CDK19: variants seen among roughly 807,000 people sequenced by gnomAD.
The protein encoded by CDK19 is cyclin dependent kinase 19, also known as cyclin-dependent kinase 19.
CDK19 carries 20 observed loss-of-function variants against 68.3 expected under a neutral mutation model. The ratio of observed to expected loss-of-function variants is 0.29; its 90% CI spans 0.21 to 0.43. The LOEUF is 0.43. CDK19 is among the 20% of genes least tolerant of loss of function. CDK19 has a pLI of 1.00. For synonymous variants in CDK19, 221 were observed against 222.8 expected, an observed-to-expected ratio of 0.99 and a Z score of 0.07; for missense variants, 339 against 623.5, an observed-to-expected ratio of 0.54 and a Z score of 4.86.
chr6:110,717,587 A>G (rs1775505962), intron 2 of CDK19, among the ~76,000 whole-genome samples: 2 of 152,214 alleles, frequency 1.3e-5, no homozygotes, highest in Admixed American at 1.3e-4. Flanking sequence ...TACATGTGAA[A>G]AGTCAAAAAG....
rs9398241 is a variant in CDK19, at chr6:110,637,369, T to C, written c.514+1280A>G. ...GAAGAGAAGGAAAGCTACCAGCTAC[T>C]TAATTAACATCAACAAACTTCTGAA... On this transcript the variant is annotated intron_variant, in intron 5 of 12. Transcript: ENST00000368911. Among the ~76,000 whole-genome samples, 2,889 of 152,316 alleles carry C rather than the reference T, an allele frequency of 0.019. 285 individuals are homozygous for C. The East Asian group carries it at 0.31, about 16-fold the overall frequency.
chr6:110,641,646 A>AAAGGAAGGAAGG lies in CDK19; in HGVS notation c.457-2952_457-2941dup, dbSNP rs71553305. 5.7e-3 allele frequency among the ~76,000 whole-genome samples: 755 copies of AAAGGAAGGAAGG among 131,406 alleles called. 6 individuals carry two copies. The highest frequency in any genetic ancestry group is 8.0e-3 in the African/African-American group (266 of 33,242). The allele number at this position is 131,406 out of a possible 152,430, so 86.2% of individuals were successfully genotyped here. A position where few individuals can be genotyped will look rare whatever the true frequency, so the allele number is the denominator to read the frequency against. On this transcript the variant is annotated intron_variant, in intron 4 of 12. Coordinates refer to ENST00000368911, the MANE Select transcript of CDK19 (RefSeq NM_015076.5). ...GGAGAGGAAAGGAGGAAAGGGAAAGAAAGGAAGGAAGGAAGGAAGGAAGGA... is the reference window on the plus strand; with the variant it reads ...GGAGAGGAAAGGAGGAAAGGGAAAGAAAGGAAGGAAGGAAGGAAGGAAGGAAGGAAGGAAGGA...
chr6:110,768,696 T>A (rs759164265), intron 1 of CDK19, among the ~76,000 whole-genome samples: 5 of 152,096 alleles, frequency 3.3e-5, no homozygotes, highest in Non-Finnish European at 7.4e-5. Context: ...CAGAAAAAGA[T>A]CAGTGGTTGT....
chr6:110,722,822 G>A (rs749221681), intron 2 of CDK19, among the ~76,000 whole-genome samples: 29 of 151,796 alleles, frequency 1.9e-4, no homozygotes, highest in Non-Finnish European at 3.7e-4. Context: ...AGCCATGATC[G>A]TGCCAATGTA....
intron 2 of CDK19, among the ~76,000 whole-genome samples, chr6:110,677,106 C>T (rs1771594979): frequency 6.6e-6 from 1 of 152,170 alleles, no homozygotes; most frequent in Non-Finnish European, 1.5e-5. Context: ...CTAATGTTAC[C>T]TATATCTATT....
intron 2 of CDK19, among the ~76,000 whole-genome samples, chr6:110,678,447 G>A (rs1393365314): frequency 4.0e-5 from 6 of 151,818 alleles, no homozygotes; most frequent in Non-Finnish European, 5.9e-5. Flanking sequence ...CTCTTCCCTC[G>A]CCTCAGTTAA....
intron 1 of CDK19, among the ~76,000 whole-genome samples, chr6:110,777,584 G>C (rs1464556700): frequency 1.3e-5 from 2 of 152,132 alleles, no homozygotes; most frequent in Non-Finnish European, 2.9e-5. Context: ...ATAGTATAGT[G>C]GTTCATCAAA....
At chr6:110,786,350 A>C (rs912494803) in intron 1 of CDK19, among the ~76,000 whole-genome samples, 8 of 151,102 alleles carry the variant, frequency 5.3e-5, no homozygotes, top group African/African-American at 1.9e-4. Flanking sequence ...AAAACCCTTC[A>C]CTCCATCTTT....
At position 110,745,511 on chromosome 6, in the gene CDK19, T is replaced by C. The variant is rs191952394; in HGVS notation, c.204+615A>G. On this transcript the variant is annotated intron_variant, in intron 2 of 12. Coordinates refer to ENST00000368911, the MANE Select transcript of CDK19 (RefSeq NM_015076.5). The stretch of plus-strand genomic sequence containing the variant: ...ATGACCCCTTCCTCTATAAAGACCT[T>C]ATCAGTCCTAAAGCTACAGAAAAAT... Among the ~76,000 whole-genome samples, 377 of 152,206 alleles carry C rather than the reference T, an allele frequency of 2.5e-3. 4 individuals carry two copies. Among genetic ancestry groups the C allele is most frequent in the African/African-American group, 8.7e-3 (363 of 41,540 alleles).
chr6:110,614,717 C>T (rs370887678), intron 12 of CDK19, 51 bp from the exon 13 acceptor site: 11 of 1,585,666 alleles, frequency 6.9e-6, no homozygotes, highest in Non-Finnish European at 7.8e-6. Flanking sequence ...AAGAGGATGA[C>T]TCAAGATGCT....
intron 2 of CDK19, among the ~76,000 whole-genome samples, chr6:110,698,788 G>A (rs1452955471): frequency 2.0e-5 from 3 of 152,158 alleles, no homozygotes; most frequent in African/African-American, 7.2e-5. Flanking sequence ...TAAAGAAAAT[G>A]TGGTAGATAG....
At chr6:110,645,812 A>C (rs950173442) in intron 4 of CDK19, 1 of 604,272 alleles carries the variant, frequency 1.7e-6, no homozygotes, top group Non-Finnish European at 3.1e-6. Flanking sequence ...CTAGAGACGG[A>C]GGGATGGCCG....
intron 4 of CDK19, among the ~76,000 whole-genome samples, chr6:110,656,680 C>A (rs1361762505): frequency 1.3e-5 from 2 of 152,180 alleles, no homozygotes; most frequent in Non-Finnish European, 2.9e-5. Flanking sequence ...CCCAGCACTG[C>A]CAACAGTTAA....
chr6:110,784,394 A>G (rs545477132), intron 1 of CDK19, among the ~76,000 whole-genome samples: 9 of 152,310 alleles, frequency 5.9e-5, no homozygotes, highest in South Asian at 2.1e-4. Context: ...GCTCAACATC[A>G]TAAGTTATTA....
In CDK19 at chr6:110,799,144, TAAAAAAA is replaced by T. The variant is rs369106433; in HGVS notation, c.128+15858_128+15864del. Among the ~76,000 whole-genome samples the T allele has an allele frequency of 8.5e-3, 418 of 49,140 alleles. 11 individuals are homozygous for T. In the South Asian group the frequency reaches 0.2, roughly 23 times the overall value. The allele number at this position is 49,140 out of a possible 152,430, so 32.2% of individuals were successfully genotyped here. A position where few individuals can be genotyped will look rare whatever the true frequency, so the allele number is the denominator to read the frequency against. ...GGTGTTAAGAGTAAAACCCTGTATTTAAAAAAAAAAAAAAAAAAAAAAAAAATTCCTC... is the reference window on the plus strand; with the variant it reads ...GGTGTTAAGAGTAAAACCCTGTATTTAAAAAAAAAAAAAAAAAAATTCCTC... On this transcript the variant is annotated intron_variant, in intron 1 of 12. Coordinates refer to ENST00000368911, the MANE Select transcript of CDK19 (RefSeq NM_015076.5).
chr6:110,784,504 G>A (rs1262188683), intron 1 of CDK19, among the ~76,000 whole-genome samples: 1 of 152,174 alleles, frequency 6.6e-6, no homozygotes, highest in Non-Finnish European at 1.5e-5. Context: ...CAAGGATGTA[G>A]AGAACTGAAA....
At chr6:110,638,359 AC>A (rs1461226062) in intron 5 of CDK19, among the ~76,000 whole-genome samples, 2 of 152,196 alleles carry the variant, frequency 1.3e-5, no homozygotes, top group African/African-American at 2.4e-5. Context: ...GCTGTGCAGG[AC>A]AGTGGTGGTG....
intron 12 of CDK19, among the ~76,000 whole-genome samples, chr6:110,617,380 C>T (rs2114580021): frequency 6.6e-6 from 1 of 152,294 alleles, no homozygotes; most frequent in East Asian, 1.9e-4. Context: ...GGAACCTAGA[C>T]AGGCCATGTT....
intron 4 of CDK19, among the ~76,000 whole-genome samples, chr6:110,660,645 A>G (rs1340955926): frequency 1.3e-5 from 2 of 152,174 alleles, no homozygotes; most frequent in Admixed American, 1.3e-4. Context: ...AATCTCCCCC[A>G]AAGTCCAGCC....
Sources: gnomAD v4.1 joint callset for allele counts (sites outside exome capture counted in the v4.1 genomes callset) on GRCh38, gnomAD v4.1.1 for gene constraint, MANE v1.5 for transcripts, NCBI Gene and HGNC (gene_info 2026-07-23, HGNC 2026-07-21) for gene names.